TENM2: variants seen among roughly 807,000 people sequenced by gnomAD.
TENM2 encodes teneurin transmembrane protein 2, also known as teneurin-2.
A neutral mutation model predicts 245.2 loss-of-function variants in TENM2; 52 were observed. The ratio of observed to expected loss-of-function variants is 0.21; its 90% CI spans 0.17 to 0.27. The LOEUF is 0.27. Ranked by LOEUF, TENM2 falls within the 10% of genes least tolerant of loss-of-function variation. The pLI is 1.00. For missense variants in TENM2, 3,046 were observed against 3,666.8 expected, an observed-to-expected ratio of 0.83 and a Z score of 4.37; for synonymous variants, 1,363 against 1,438.9, an observed-to-expected ratio of 0.95 and a Z score of 1.19.
intron 7 of TENM2, among the ~76,000 whole-genome samples, chr5:168,062,546 T>A (rs1323679436): frequency 1.3e-5 from 2 of 152,132 alleles, no homozygotes; most frequent in South Asian, 2.1e-4. Flanking sequence ...CAGAGAAAAT[T>A]GAAAACACCA....
chr5:167,182,324 G>A, the TENM2 span, among the ~76,000 whole-genome samples: 1 of 151,970 alleles, frequency 6.6e-6, no homozygotes, highest in Non-Finnish European at 1.5e-5. Flanking sequence ...GTACTTCAGT[G>A]TATCCATTAA....
At chr5:167,353,945 C>T (rs1759143599) in intron 1 of TENM2, among the ~76,000 whole-genome samples, 2 of 152,054 alleles carry the variant, frequency 1.3e-5, no homozygotes, top group African/African-American at 4.8e-5. Flanking sequence ...GTATCCCATG[C>T]ATATTGTAAA....
chr5:167,488,870 C>T (rs1768251834), intron 2 of TENM2, among the ~76,000 whole-genome samples: 1 of 152,174 alleles, frequency 6.6e-6, no homozygotes, highest in South Asian at 2.1e-4. Context: ...TAGCTATAGC[C>T]TTCCCAATCT....
intron 2 of TENM2, among the ~76,000 whole-genome samples, chr5:167,765,198 C>T (rs1762930822): frequency 6.6e-6 from 1 of 152,138 alleles, no homozygotes; most frequent in Non-Finnish European, 1.5e-5. Context: ...GGATGCATTA[C>T]CTTAAAATAT....
intron 2 of TENM2, among the ~76,000 whole-genome samples, chr5:167,436,160 G>A (rs1336579171): frequency 6.6e-6 from 1 of 151,548 alleles, no homozygotes; most frequent in Admixed American, 6.6e-5. Flanking sequence ...TGTATTTTTA[G>A]TAGAGACAGG....
chr5:167,209,993 C>T, the TENM2 span, among the ~76,000 whole-genome samples: 3 of 152,080 alleles, frequency 2.0e-5, no homozygotes, highest in African/African-American at 7.2e-5. Context: ...GAAACCATGC[C>T]CTGGTGTCTT....
At chr5:167,057,441 C>A in the TENM2 span, among the ~76,000 whole-genome samples, 6 of 152,142 alleles carry the variant, frequency 3.9e-5, no homozygotes, top group East Asian at 7.8e-4. Flanking sequence ...GTAAAAACAC[C>A]TGTGGTAAAT....
chr5:167,834,640 CTTTTTTT>C (rs555150513), intron 2 of TENM2, among the ~76,000 whole-genome samples: 8 of 129,544 alleles, frequency 6.2e-5, no homozygotes, highest in Non-Finnish European at 8.0e-5. Flanking sequence ...TGTACAATTT[CTTTTTTT>C]TTTTTTTTTT....
intron 14 of TENM2, among the ~76,000 whole-genome samples, chr5:168,194,856 G>A (rs1351614891): frequency 7.9e-5 from 12 of 152,150 alleles, no homozygotes; most frequent in Admixed American, 7.9e-4. Flanking sequence ...TCGGTGCCAG[G>A]CTAAAGAGCA....
chr5:167,180,952 A>C, the TENM2 span, among the ~76,000 whole-genome samples: 18 of 151,692 alleles, frequency 1.2e-4, no homozygotes, highest in Admixed American at 1.1e-3. Context: ...TATTGAAAAA[A>C]AAAACAAAAA....
intron 2 of TENM2, among the ~76,000 whole-genome samples, chr5:167,576,331 A>ATTT (rs35031872): frequency 0.039 from 5,646 of 146,522 alleles, 322 homozygotes; most frequent in African/African-American, 0.13. Flanking sequence ...AGAAAAGAGC[A>ATTT]TTTTTTTTTT....
chr5:168,096,032 G>C (rs1169880887), intron 8 of TENM2, among the ~76,000 whole-genome samples: 1 of 152,142 alleles, frequency 6.6e-6, no homozygotes, highest in Non-Finnish European at 1.5e-5. Context: ...CTCTTAGAAT[G>C]GGAAGTAAGC....
rs192801306 is a variant in TENM2, at chr5:167,718,648, G to T, written c.503-157338G>T. 1.3e-3 allele frequency among the ~76,000 whole-genome samples: 199 copies of T among 152,300 alleles called. 6 individuals carry two copies. Among genetic ancestry groups the T allele is most frequent in the Admixed American group, 0.013 (196 of 15,298 alleles). On this transcript the variant is annotated intron_variant, in intron 2 of 28. Transcript: ENST00000518659. ...TATTTTATCCATTGTATAGTGGAAA[G>T]AATATGGGTTTTGAGGTCATATTAT...
chr5:167,672,228 A>T (rs763514268), intron 2 of TENM2, among the ~76,000 whole-genome samples: 1 of 152,090 alleles, frequency 6.6e-6, no homozygotes, highest in Non-Finnish European at 1.5e-5. Flanking sequence ...ACACACTGAC[A>T]GAGTATCATA....
intron 2 of TENM2, among the ~76,000 whole-genome samples, chr5:167,436,763 G>A (rs768707759): frequency 1.3e-5 from 2 of 152,070 alleles, no homozygotes; most frequent in African/African-American, 2.4e-5. Flanking sequence ...TGACTAAAAG[G>A]GGCCAAGGTG....
intron 2 of TENM2, among the ~76,000 whole-genome samples, chr5:167,671,641 A>C (rs1316614394): frequency 5.3e-5 from 8 of 151,976 alleles, no homozygotes; most frequent in African/African-American, 1.9e-4. Flanking sequence ...GTGTGTGTCT[A>C]TTATAAATAT....
At chr5:168,216,908 A>G in exon 22 of TENM2, 4 of 1,613,990 alleles carry the variant, frequency 2.5e-6, no homozygotes, top group Non-Finnish European at 3.4e-6. Context: ...TGATTCCAGC[A>G]TGGATGTAGC....
chr5:167,638,161 A>C (rs1461192686), intron 2 of TENM2, among the ~76,000 whole-genome samples: 1 of 151,192 alleles, frequency 6.6e-6, no homozygotes, highest in African/African-American at 2.4e-5. Flanking sequence ...GCATGCATAC[A>C]CAAGTGCACA....
intron 2 of TENM2, among the ~76,000 whole-genome samples, chr5:167,788,879 G>C (rs1764756068): frequency 6.6e-6 from 1 of 152,092 alleles, no homozygotes; most frequent in Non-Finnish European, 1.5e-5. Context: ...TGGTCAAGTA[G>C]CCCTTCCTAG....
Sources: gnomAD v4.1 joint callset for allele counts (sites outside exome capture counted in the v4.1 genomes callset) on GRCh38, gnomAD v4.1.1 for gene constraint, MANE v1.5 for transcripts, NCBI Gene and HGNC (gene_info 2026-07-23, HGNC 2026-07-21) for gene names.